Variants in CDCA2 observed in about 807,000 individuals in gnomAD.
CDCA2 encodes the protein cell division cycle associated 2.
A neutral mutation model predicts 67.0 loss-of-function variants in CDCA2; 44 were observed. That is an observed-to-expected ratio of 0.66 (90% confidence interval 0.52 to 0.84). The LOEUF (loss-of-function observed/expected upper bound fraction) is 0.84, where lower values mean the gene tolerates loss of function less well. Ranked by LOEUF, CDCA2 falls within the 40% of genes least tolerant of loss-of-function variation. CDCA2 has a pLI of 0.00. For synonymous variants in CDCA2, 447 were observed against 418.7 expected, an observed-to-expected ratio of 1.07 and a Z score of -0.82; for missense variants, 1,253 against 1,203.2, an observed-to-expected ratio of 1.04 and a Z score of -0.61.
intron 8 of CDCA2, among the ~76,000 whole-genome samples, chr8:25,481,299 C>T (rs1182600557): frequency 1.3e-5 from 2 of 151,602 alleles, no homozygotes; most frequent in Non-Finnish European, 2.9e-5. Flanking sequence ...CATATCTTCT[C>T]CTCAAAAAGA....
intron 7 of CDCA2, among the ~76,000 whole-genome samples, chr8:25,477,222 A>G (rs781615992): frequency 1.3e-5 from 2 of 152,170 alleles, no homozygotes; most frequent in Non-Finnish European, 2.9e-5. Context: ...ACGGATATAG[A>G]CATCTACAAC....
intron 4 of CDCA2, among the ~76,000 whole-genome samples, chr8:25,464,686 C>T (rs887468839): frequency 6.6e-6 from 1 of 152,150 alleles, no homozygotes; most frequent in Non-Finnish European, 1.5e-5. Context: ...AAATCTGCCC[C>T]TACCATGTTC....
intron 13 of CDCA2, among the ~76,000 whole-genome samples, chr8:25,490,525 A>G (rs1322059441): frequency 1.3e-5 from 2 of 152,050 alleles, no homozygotes; most frequent in Non-Finnish European, 2.9e-5. Context: ...GGAGCTAGAG[A>G]GGAGCTGGGA....
At chr8:25,488,160 GT>G (rs1803855118) in intron 12 of CDCA2, among the ~76,000 whole-genome samples, 1 of 152,094 alleles carries the variant, frequency 6.6e-6, no homozygotes, top group African/African-American at 2.4e-5. Context: ...AGCTTATAGG[GT>G]TGGATATTAA....
At chr8:25,487,616 G>A (rs1220988101) in intron 12 of CDCA2, among the ~76,000 whole-genome samples, 1 of 152,056 alleles carries the variant, frequency 6.6e-6, no homozygotes, top group African/African-American at 2.4e-5. Flanking sequence ...GGTGGTGGAC[G>A]CCTGTAGTCC....
At chr8:25,462,576 A>G (rs1451053889) in intron 4 of CDCA2, among the ~76,000 whole-genome samples, 1 of 152,144 alleles carries the variant, frequency 6.6e-6, no homozygotes, top group East Asian at 1.9e-4. Flanking sequence ...CATTGAGTCA[A>G]GATCATGCCA....
chr8:25,492,449 C>T lies in CDCA2; in HGVS notation c.1671+3760C>T, dbSNP rs189735728. On this transcript the variant is annotated intron_variant, in intron 13 of 14. Coordinates refer to ENST00000330560, the MANE Select transcript of CDCA2 (RefSeq NM_152562.4). ...GGGAGAAGGAGCTGGAGCTAAAAAA[C>T]GGAAAAGACCTGTGATTGAAAGAAT... Among the ~76,000 whole-genome samples the T allele has an allele frequency of 1.9e-3, 287 of 152,060 alleles. 2 individuals carry two copies. The highest frequency in any genetic ancestry group is 6.4e-3 in the African/African-American group (267 of 41,434).
chr8:25,488,611 T>C lies in CDCA2; in HGVS notation c.1593T>C (p.Pro531=), dbSNP rs1422192727. The change falls in exon 13 of 15, where the codon CCT becomes CCC. Residue 531 remains proline (P), a synonymous_variant. Transcript: ENST00000330560. Reference sequence around the variant, plus strand: ...ACTTATTGAATACAGAAGTTCAGCCTTGTAAAGAAAAGAAAATTAATAGGA... The same window carrying C: ...ACTTATTGAATACAGAAGTTCAGCCCTGTAAAGAAAAGAAAATTAATAGGA... The part of the protein sequence containing the change: ...VCNLLNTEVQ[P]CKEKKINRRK... The C allele has an allele frequency of 5.6e-6, 9 of 1,613,140 alleles. No homozygotes were observed. The highest frequency in any genetic ancestry group is 7.6e-6 in the Non-Finnish European group (9 of 1,179,748).
intron 7 of CDCA2, among the ~76,000 whole-genome samples, chr8:25,470,545 A>G (rs985357997): frequency 5.3e-5 from 8 of 152,124 alleles, no homozygotes; most frequent in African/African-American, 1.9e-4. Context: ...TCATTTTATC[A>G]TATGTTTTCT....
rs764486820 is a variant in CDCA2 at position 25,506,690 on chromosome 8, A to C, written c.2024A>C (p.Asp675Ala). 6.2e-7 allele frequency: 1 copy of C among 1,611,732 alleles called. No individual in the cohort carries two copies. Among genetic ancestry groups the C allele is most frequent in the Admixed American group, 1.7e-5 (1 of 59,440 alleles). The change falls in exon 15 of 15, where the codon GAT becomes GCT. Residue 675 changes from aspartate (D) to alanine (A), a missense_variant. By Grantham distance (126) the Asp-to-Ala change is moderately radical. Transcript: ENST00000330560. ...TCATCGCTTGGCAATGCTACTTCTGATGAAGATCCAAATACAAATATAATG... is the reference window on the plus strand; with the variant it reads ...TCATCGCTTGGCAATGCTACTTCTGCTGAAGATCCAAATACAAATATAATG... ...SSSSLGNATS[D>A]EDPNTNIMNI...
Position 25,506,786 on chromosome 8 carries a change from G to A in CDCA2, c.2120G>A (p.Gly707Glu). Residue 707 changes from glycine (G) to glutamate (E), a missense_variant, in exon 15 of 15, where the codon GGA (glycine) becomes GAA (glutamate). By Grantham distance (98) the Gly-to-Glu change is moderately conservative. Transcript: ENST00000330560. ...GAAAGTGAAAATGAACCAAAAGCTG[G>A]AACTGACAGTCCTGTTTCTTGTGCT... Reference protein sequence around the residue: ...KSESENEPKAGTDSPVSCASV... With the variant: ...KSESENEPKAETDSPVSCASV... 6.2e-7 allele frequency: 1 copy of A among 1,613,884 alleles called. No homozygotes were observed. The highest frequency in any genetic ancestry group is 8.5e-7 in the Non-Finnish European group (1 of 1,179,972).
chr8:25,482,203 C>T (rs1803597149), intron 8 of CDCA2, among the ~76,000 whole-genome samples: 1 of 152,178 alleles, frequency 6.6e-6, no homozygotes, highest in Non-Finnish European at 1.5e-5. Context: ...TGCAGAAACA[C>T]ACAGGGACAA....
In CDCA2 at chr8:25,507,606, A is replaced by G; in HGVS notation, c.2940A>G (p.Ile980Met). 6.2e-7 allele frequency: 1 copy of G among 1,614,166 alleles called. No individual in the cohort carries two copies. Residue 980 changes from isoleucine (I) to methionine (M), a missense_variant, in exon 15 of 15, where the codon ATA (isoleucine) becomes ATG (methionine). Ile to Met is a conservative substitution (Grantham distance 10, BLOSUM62 1). Coordinates refer to ENST00000330560, the MANE Select transcript of CDCA2 (RefSeq NM_152562.4). ...EPGKRRKSFC[I>M]STLANTKATS... ...GTAAGAGGAGGAAGAGCTTTTGTATATCTACACTTGCAAATACTAAAGCCA... is the reference window on the plus strand; with the variant it reads ...GTAAGAGGAGGAAGAGCTTTTGTATGTCTACACTTGCAAATACTAAAGCCA...
At chr8:25,483,082 A>G (rs1180487429) in intron 8 of CDCA2, among the ~76,000 whole-genome samples, 2 of 152,174 alleles carry the variant, frequency 1.3e-5, no homozygotes, top group African/African-American at 4.8e-5. Context: ...ACCATATGCT[A>G]TTATTCTAGC....
chr8:25,469,024 A>T (rs1803047228), intron 6 of CDCA2, among the ~76,000 whole-genome samples: 1 of 152,252 alleles, frequency 6.6e-6, no homozygotes, highest in African/African-American at 2.4e-5. Context: ...GAAAAATAAT[A>T]CTACTGAAGA....
chr8:25,472,568 C>T (rs570849160), intron 7 of CDCA2, among the ~76,000 whole-genome samples: 15 of 152,270 alleles, frequency 9.9e-5, no homozygotes, highest in African/African-American at 2.6e-4. Flanking sequence ...TTTCTTAATC[C>T]ACACACTTTC....
intron 7 of CDCA2, among the ~76,000 whole-genome samples, chr8:25,478,038 T>C (rs1169238760): frequency 6.6e-6 from 1 of 151,226 alleles, no homozygotes; most frequent in African/African-American, 2.4e-5. Flanking sequence ...GGAGTCCTCC[T>C]ACCTCAGCCT....
intron 13 of CDCA2, among the ~76,000 whole-genome samples, chr8:25,489,538 C>T (rs1402940754): frequency 6.6e-6 from 1 of 152,154 alleles, no homozygotes; most frequent in Non-Finnish European, 1.5e-5. Flanking sequence ...TGACATAGCC[C>T]CTAGAGACAC....
At chr8:25,484,386 T>A (rs533515184) in intron 10 of CDCA2, among the ~76,000 whole-genome samples, 176 bp downstream of exon 10, 1 of 152,222 alleles carries the variant, frequency 6.6e-6, no homozygotes, top group Non-Finnish European at 1.5e-5. Flanking sequence ...TTACAAATAA[T>A]ACTTCCCTGA....
Sources: allele counts gnomAD v4.1 joint callset (sites outside exome capture counted in the v4.1 genomes callset), GRCh38; gene constraint gnomAD v4.1.1; transcripts MANE v1.5; gene names NCBI Gene and HGNC (gene_info 2026-07-23, HGNC 2026-07-21).